The following DENND1A variants were observed in gnomAD, a reference collection of about 807,000 sequenced individuals.
DENND1A encodes the protein DENN domain containing 1A, also known as DENN domain-containing protein 1A.
A neutral mutation model predicts 113.7 loss-of-function variants in DENND1A; 51 were observed. The observed-to-expected ratio is 0.45, with a 90% CI of 0.36 to 0.57. The LOEUF is 0.57. DENND1A is among the 20% of genes least tolerant of loss of function. DENND1A has a pLI of 0.00. For synonymous variants in DENND1A, 565 were observed against 570.8 expected (o/e 0.99, Z 0.14); for missense variants, 1,258 against 1,395.9 (o/e 0.90, Z 1.57).
At chr9:123,887,720 T>C (rs769237806) in intron 1 of DENND1A, among the ~76,000 whole-genome samples, 4 of 151,796 alleles carry the variant, frequency 2.6e-5, no homozygotes, top group South Asian at 2.1e-4. Flanking sequence ...CACCATCAAG[T>C]CCTTGTGATG....
At chr9:123,688,642 A>C (rs1183781207) in intron 5 of DENND1A, among the ~76,000 whole-genome samples, 1 of 152,200 alleles carries the variant, frequency 6.6e-6, no homozygotes, top group Non-Finnish European at 1.5e-5. Context: ...CACAGCATGA[A>C]ATAGGCAGGT....
intron 2 of DENND1A, among the ~76,000 whole-genome samples, chr9:123,806,413 C>T (rs1489072714): frequency 6.6e-6 from 1 of 152,016 alleles, no homozygotes; most frequent in Admixed American, 6.6e-5. Flanking sequence ...CCCGCCACTA[C>T]GCCCAGCTAA....
chr9:123,787,107 G>A (rs759889824), intron 3 of DENND1A, among the ~76,000 whole-genome samples: 2 of 151,914 alleles, frequency 1.3e-5, no homozygotes, highest in Non-Finnish European at 2.9e-5. Flanking sequence ...GAACCTTTGT[G>A]GAATCAAAGT....
intron 5 of DENND1A, among the ~76,000 whole-genome samples, chr9:123,709,563 G>C (rs2066451271): frequency 1.3e-5 from 2 of 152,064 alleles, no homozygotes; most frequent in African/African-American, 4.8e-5. Context: ...GTCCCTTTAA[G>C]TTTTCCGTAG....
At chr9:123,830,312 A>G (rs1359958714) in intron 2 of DENND1A, among the ~76,000 whole-genome samples, 1 of 152,186 alleles carries the variant, frequency 6.6e-6, no homozygotes, top group African/African-American at 2.4e-5. Flanking sequence ...AATCTATGGT[A>G]ACATAAATCA....
At chr9:123,505,292 A>C (rs2052826653) in intron 13 of DENND1A, among the ~76,000 whole-genome samples, 1 of 152,262 alleles carries the variant, frequency 6.6e-6, no homozygotes, top group Non-Finnish European at 1.5e-5. Context: ...TTACTTACAT[A>C]CACAGGTTGC....
chr9:123,625,436 T>C (rs1418182897), intron 10 of DENND1A, among the ~76,000 whole-genome samples: 1 of 152,210 alleles, frequency 6.6e-6, no homozygotes, highest in Non-Finnish European at 1.5e-5. Flanking sequence ...AACCAAAACT[T>C]TTCAAATAAT....
At chr9:123,408,201 C>T (rs1438676894) in intron 20 of DENND1A, among the ~76,000 whole-genome samples, 1 of 152,212 alleles carries the variant, frequency 6.6e-6, no homozygotes, top group Non-Finnish European at 1.5e-5. Context: ...TGGCTCCTGA[C>T]ATGGGAGCTT....
At chr9:123,668,844 A>G (rs778673294) in intron 7 of DENND1A, among the ~76,000 whole-genome samples, 1 of 152,222 alleles carries the variant, frequency 6.6e-6, no homozygotes, top group Non-Finnish European at 1.5e-5. Flanking sequence ...AACAGTGAGG[A>G]TTAAAACAGG....
chr9:123,467,609 C>T lies in DENND1A; in HGVS notation c.994-9712G>A, dbSNP rs557298466. Among the ~76,000 whole-genome samples the T allele has an allele frequency of 1.7e-4, 26 of 152,252 alleles. No homozygotes were observed. In the East Asian group the frequency reaches 4.4e-3, roughly 26 times the overall value. Reference sequence around the variant, plus strand: ...GGCAGAGGTTGCAGTGAGCCGAGATCGCGCCACTGCACTCCAGCGTGGGCA... The same window carrying T: ...GGCAGAGGTTGCAGTGAGCCGAGATTGCGCCACTGCACTCCAGCGTGGGCA... On this transcript the variant is annotated intron_variant, in intron 13 of 23. Coordinates refer to ENST00000394215, the MANE Select transcript of DENND1A (RefSeq NM_001352964.2).
At chr9:123,604,567 CAT>C (rs1158736561) in intron 11 of DENND1A, among the ~76,000 whole-genome samples, 1 of 152,112 alleles carries the variant, frequency 6.6e-6, no homozygotes, top group Non-Finnish European at 1.5e-5. Flanking sequence ...ATATGCTGTC[CAT>C]ATACAGGACT....
At chr9:123,582,987 C>T (rs533930014) in intron 12 of DENND1A, among the ~76,000 whole-genome samples, 182 bp downstream of exon 12, 1 of 152,336 alleles carries the variant, frequency 6.6e-6, no homozygotes, top group South Asian at 2.1e-4. Flanking sequence ...GTGTGAGCCA[C>T]CATGCCTGGC....
intron 5 of DENND1A, among the ~76,000 whole-genome samples, chr9:123,707,678 G>A (rs897313912): frequency 1.3e-5 from 2 of 152,216 alleles, no homozygotes; most frequent in African/African-American, 4.8e-5. Context: ...ATTCAGAGGG[G>A]TGGTGGGAGT....
intron 10 of DENND1A, among the ~76,000 whole-genome samples, chr9:123,629,375 T>G (rs1180618498): frequency 1.3e-5 from 2 of 152,214 alleles, no homozygotes; most frequent in African/African-American, 4.8e-5. Flanking sequence ...TTAACTGCAT[T>G]ACACTAGAGA....
At chr9:123,607,520 CAGAGAGAG>C (rs33997878) in intron 11 of DENND1A, among the ~76,000 whole-genome samples, 12 of 73,872 alleles carry the variant, frequency 1.6e-4, no homozygotes, top group African/African-American at 4.0e-4. Flanking sequence ...CACACACACA[CAGAGAGAG>C]AGAGAGAGAG....
At chr9:123,760,611 A>C (rs2070956514) in intron 4 of DENND1A, among the ~76,000 whole-genome samples, 1 of 152,220 alleles carries the variant, frequency 6.6e-6, no homozygotes, top group Non-Finnish European at 1.5e-5. Context: ...TAGGGCCGTC[A>C]AGGGGACACC....
At chr9:123,866,096 T>C (rs1845769307) in intron 2 of DENND1A, among the ~76,000 whole-genome samples, 1 of 152,222 alleles carries the variant, frequency 6.6e-6, no homozygotes, top group Admixed American at 6.5e-5. Context: ...AACAAACCAA[T>C]GGAAAATGTG....
At chr9:123,900,391 G>A (rs1404325701) in intron 1 of DENND1A, among the ~76,000 whole-genome samples, 1 of 152,168 alleles carries the variant, frequency 6.6e-6, no homozygotes, top group Non-Finnish European at 1.5e-5. Context: ...CTGACTTCAT[G>A]AAGCCCACAC....
At chr9:123,385,561 A>C (rs1347614995) in intron 22 of DENND1A, among the ~76,000 whole-genome samples, 1 of 152,196 alleles carries the variant, frequency 6.6e-6, no homozygotes, top group Non-Finnish European at 1.5e-5. Flanking sequence ...GAAGGGCACC[A>C]CCTGGCGGTC....
Sources: allele counts gnomAD v4.1 joint callset (sites outside exome capture counted in the v4.1 genomes callset), GRCh38; gene constraint gnomAD v4.1.1; transcripts MANE v1.5; gene names NCBI Gene and HGNC (gene_info 2026-07-23, HGNC 2026-07-21).